Variants in RORA observed in about 807,000 individuals in gnomAD.
RORA encodes the protein RAR related orphan receptor A.
A neutral mutation model predicts 69.5 loss-of-function variants in RORA; 7 were observed. That is an observed-to-expected ratio of 0.10 (90% CI 0.06 to 0.19). RORA has a LOEUF of 0.19. RORA is among the 10% of genes least tolerant of loss of function. The pLI, the probability that RORA is intolerant of heterozygous loss-of-function variation, is 1.00. For missense variants in RORA, 457 were observed against 663.0 expected (o/e 0.69, Z 3.41); for synonymous variants, 261 against 240.8 (o/e 1.08, Z -0.78).
intron 2 of RORA, among the ~76,000 whole-genome samples, chr15:60,631,974 A>G (rs2069746848): frequency 6.6e-6 from 1 of 152,242 alleles, no homozygotes. Context: ...GAAGGTGGGT[A>G]TACTTTTATA....
intron 1 of RORA, among the ~76,000 whole-genome samples, chr15:61,032,161 T>G (rs1245367558): frequency 1.3e-5 from 2 of 152,192 alleles, no homozygotes; most frequent in Non-Finnish European, 2.9e-5. Context: ...GCAGAGTACT[T>G]GAAATTACGT....
chr15:60,507,450 GA>G (rs1296275121), intron 5 of RORA, among the ~76,000 whole-genome samples: 1 of 152,060 alleles, frequency 6.6e-6, no homozygotes, highest in Non-Finnish European at 1.5e-5. Flanking sequence ...TAATAAACCT[GA>G]ATGGCCCTAC....
At chr15:60,711,705 T>C (rs1417106260) in intron 1 of RORA, among the ~76,000 whole-genome samples, 1 of 152,184 alleles carries the variant, frequency 6.6e-6, no homozygotes, top group Non-Finnish European at 1.5e-5. Flanking sequence ...TCTCTTTTGG[T>C]CCTACCTTCA....
At chr15:60,726,370 T>C (rs1188550685) in intron 1 of RORA, among the ~76,000 whole-genome samples, 1 of 152,164 alleles carries the variant, frequency 6.6e-6, no homozygotes, top group Non-Finnish European at 1.5e-5. Context: ...TGTCTCGGGA[T>C]TGCAAAAACA....
chr15:60,552,985 C>A (rs2067265376), intron 2 of RORA, among the ~76,000 whole-genome samples: 1 of 152,112 alleles, frequency 6.6e-6, no homozygotes, highest in East Asian at 1.9e-4. Flanking sequence ...TGATCATGGG[C>A]AAGTTATTTA....
At position 61,147,730 on chromosome 15, in the gene RORA, A is replaced by C. The variant is rs2079361491; in HGVS notation, c.166+81323T>G. ...GTTAACCCATGACTTCAGTCCTAAA[A>C]GAAAGGTTGATGGTCAGTAGGCACG... On this transcript the variant is annotated intron_variant, in intron 1 of 10. Coordinates refer to ENST00000335670, the MANE Select transcript of RORA (RefSeq NM_134261.3). The surrounding 1 kb of genome is among the most constrained non-coding windows in gnomAD (Gnocchi z 4.1). Among the ~76,000 whole-genome samples, 1 of 151,590 alleles carries C rather than the reference A, an allele frequency of 6.6e-6. No homozygotes were observed. Among genetic ancestry groups the C allele is most frequent in the African/African-American group, 2.4e-5 (1 of 41,288 alleles).
intron 3 of RORA, among the ~76,000 whole-genome samples, chr15:60,520,629 G>C (rs1360858830): frequency 3.3e-5 from 5 of 152,114 alleles, no homozygotes; most frequent in Admixed American, 3.3e-4. Context: ...TAGGAAGTGA[G>C]TGAGCTGAGA....
intron 3 of RORA, among the ~76,000 whole-genome samples, chr15:60,516,021 T>TTA (rs1361593376): frequency 0.39 from 4,324 of 11,140 alleles, 913 homozygotes; most frequent in South Asian, 0.53. Context: ...TTATATATAT[T>TTA]TATATATTTA....
At chr15:60,692,581 T>C (rs918425127) in intron 1 of RORA, among the ~76,000 whole-genome samples, 15 of 152,234 alleles carry the variant, frequency 9.9e-5, no homozygotes, top group African/African-American at 3.6e-4. Flanking sequence ...AATGATATGA[T>C]GTCTGGGATT....
At chr15:60,855,095 G>C (rs766859874) in intron 1 of RORA, among the ~76,000 whole-genome samples, 10 of 152,228 alleles carry the variant, frequency 6.6e-5, no homozygotes, top group Non-Finnish European at 1.3e-4. Context: ...TGACCACATG[G>C]GGGATGCTCT....
At chr15:61,127,383 T>C (rs1010649186) in intron 1 of RORA, among the ~76,000 whole-genome samples, 1 of 152,170 alleles carries the variant, frequency 6.6e-6, no homozygotes, top group Non-Finnish European at 1.5e-5. Context: ...ATTCAAGAGA[T>C]GGAATCTGTG....
chr15:60,813,618 C>T (rs1368343563), intron 1 of RORA, among the ~76,000 whole-genome samples: 1 of 151,636 alleles, frequency 6.6e-6, no homozygotes, highest in African/African-American at 2.4e-5. Flanking sequence ...GAAATCTTAG[C>T]ATACGTTGTG....
intron 2 of RORA, among the ~76,000 whole-genome samples, chr15:60,625,339 C>A (rs896627600): frequency 1.3e-5 from 2 of 152,126 alleles, no homozygotes; most frequent in Non-Finnish European, 2.9e-5. Flanking sequence ...GGGCAACAGG[C>A]ACTCACATAC....
At chr15:60,990,291 C>T (rs147421487) in intron 1 of RORA, among the ~76,000 whole-genome samples, 161 of 152,172 alleles carry the variant, frequency 1.1e-3, no homozygotes, top group African/African-American at 3.4e-3. Flanking sequence ...ATTAGGAAGG[C>T]TTTTGTGTGA....
intron 1 of RORA, among the ~76,000 whole-genome samples, chr15:61,141,127 G>A (rs937121548): frequency 1.3e-5 from 2 of 152,138 alleles, no homozygotes; most frequent in African/African-American, 4.8e-5. Flanking sequence ...AAGGAGTTCT[G>A]TCTACATTTC....
intron 2 of RORA, among the ~76,000 whole-genome samples, chr15:60,642,717 C>CA (rs1567138594): frequency 6.6e-6 from 1 of 151,908 alleles, no homozygotes; most frequent in East Asian, 1.9e-4. Context: ...AAAAAATTTA[C>CA]AAAAAAAATT....
intron 2 of RORA, among the ~76,000 whole-genome samples, chr15:60,574,108 T>A (rs771662509): frequency 6.6e-5 from 10 of 152,138 alleles, no homozygotes; most frequent in Non-Finnish European, 1.3e-4. Flanking sequence ...GTGCTGGGGC[T>A]GTTGGGTCAG....
chr15:60,503,582 C>G lies in RORA; in HGVS notation c.1028G>C (p.Gly343Ala). ...ATCATTTTGACACAGTTCCATAAAT[C>G]CATCAATGCGTTTGGCAAACTCCAC... ...YVVEFAKRID[G>A]FMELCQNDQI... Residue 343 changes from glycine (G) to alanine (A), a missense_variant, in exon 7 of 11, where the codon GGA (glycine) becomes GCA (alanine). Gly to Ala is a moderately conservative substitution (Grantham distance 60, BLOSUM62 0). Around this residue, in one of 3 missense-constraint regions of RORA, gnomAD observed 304 missense variants for 447.4 expected, o/e 0.68. Transcript: ENST00000335670. 2 of 1,614,110 alleles carry G rather than the reference C, an allele frequency of 1.2e-6. No homozygotes were observed. The highest frequency in any genetic ancestry group is 1.7e-6 in the Non-Finnish European group (2 of 1,180,008).
chr15:60,703,498 T>G (rs965845109), intron 1 of RORA, among the ~76,000 whole-genome samples: 2 of 152,180 alleles, frequency 1.3e-5, no homozygotes, highest in Non-Finnish European at 2.9e-5. Flanking sequence ...TCCCTCTGCC[T>G]TAATGCACAC....
Sources: gnomAD v4.1 joint callset for allele counts (sites outside exome capture counted in the v4.1 genomes callset) on GRCh38, gnomAD v4.1.1 for gene constraint, gnomAD v4.1.1 regional missense constraint, Gnocchi (gnomAD v3.1) non-coding constraint, MANE v1.5 for transcripts, NCBI Gene and HGNC (gene_info 2026-07-23, HGNC 2026-07-21) for gene names.